Variants in SCG3 observed in about 807,000 individuals in gnomAD.
SCG3 encodes the protein secretogranin III, also known as secretogranin-3.
SCG3 carries 38 observed loss-of-function variants against 56.2 expected under a neutral mutation model. That is an observed-to-expected ratio of 0.68 (90% confidence interval 0.52 to 0.89). The LOEUF (loss-of-function observed/expected upper bound fraction) is 0.89. Ranked by LOEUF, SCG3 falls within the 40% of genes least tolerant of loss-of-function variation. SCG3 has a pLI of 0.00. For missense variants in SCG3, 524 were observed against 540.7 expected (o/e 0.97, Z 0.31); for synonymous variants, 176 against 184.2 (o/e 0.96, Z 0.36).
In SCG3 at chr15:51,719,557, T is replaced by G. The variant is rs769380292; in HGVS notation, c.*31T>G. 6.9e-7 allele frequency: 1 copy of G among 1,455,182 alleles called. No homozygotes were observed. The highest frequency in any genetic ancestry group is 2.3e-5 in the East Asian group (1 of 44,066). The allele number at this position is 1,455,182 out of a possible 1,614,324, so 90.1% of individuals were successfully genotyped here. On this transcript the variant is annotated 3_prime_UTR_variant, in exon 12 of 12. Transcript: ENST00000220478. ...GCAAAAGATCCAGGAGTCTTTCAAC[T>G]GTTTCAGAAAACATAATATAGCTTA...
At chr15:51,718,610 C>T (rs6493515) in intron 11 of SCG3, among the ~76,000 whole-genome samples, 75,943 of 151,850 alleles carry the variant, frequency 0.5, 19,230 homozygotes, top group Admixed American at 0.57. Flanking sequence ...CTGTTATTGC[C>T]TAATACTTAA....
intron 10 of SCG3, 123 bp downstream of exon 10, chr15:51,701,367 G>A: frequency 1.0e-6 from 1 of 978,924 alleles, no homozygotes; most frequent in South Asian, 1.9e-5. Flanking sequence ...AATCTGTATA[G>A]AACAGGCTTG....
intron 10 of SCG3, among the ~76,000 whole-genome samples, chr15:51,711,912 A>G (rs778487861): frequency 1.7e-4 from 26 of 152,308 alleles, no homozygotes; most frequent in Middle Eastern, 3.4e-3. Context: ...AGTGGGCTTC[A>G]AGATCAGGAA....
chr15:51,714,637 G>A (rs893913300), intron 11 of SCG3, among the ~76,000 whole-genome samples: 1 of 152,202 alleles, frequency 6.6e-6, no homozygotes, highest in African/African-American at 2.4e-5. Context: ...CACTAAATCA[G>A]AAATTCTGGG....
chr15:51,691,445 C>T (rs1269043511), intron 6 of SCG3, among the ~76,000 whole-genome samples: 1 of 152,096 alleles, frequency 6.6e-6, no homozygotes, highest in Non-Finnish European at 1.5e-5. Context: ...TTGCAGTTAG[C>T]AGGTGAGAAA....
At position 51,683,372 on chromosome 15, in the gene SCG3, A is replaced by G; in HGVS notation, c.335A>G (p.Lys112Arg). ...KLNVEDVDST[K>R]NRKLIDDYDS... ...AATGTGGAAGATGTTGATTCAACCA[A>G]GAATCGAAAACTGATCGATGATTAT... is the stretch of plus-strand genomic sequence containing the variant. The change falls in exon 4 of 12, where the codon AAG becomes AGG. Residue 112 changes from lysine (K) to arginine (R), a missense_variant. Coordinates refer to ENST00000220478, the MANE Select transcript of SCG3 (RefSeq NM_013243.4). 3.1e-6 allele frequency: 5 copies of G among 1,613,858 alleles called. No individual in the cohort carries two copies. The highest frequency in any genetic ancestry group is 4.2e-6 in the Non-Finnish European group (5 of 1,179,808).
rs2055250409 is a variant in SCG3 at position 51,689,243 on chromosome 15, C to G, written c.565C>G (p.Leu189Val). The G allele has an allele frequency of 6.2e-7, 1 of 1,613,714 alleles. No individual in the cohort carries two copies. The highest frequency in any genetic ancestry group is 8.5e-7 in the Non-Finnish European group (1 of 1,179,878). ...GATCACAGAAAGCCAAGCACATACACTGGAAGATGAAGTAGCAGAGGTTTT... is the reference window on the plus strand; with the variant it reads ...GATCACAGAAAGCCAAGCACATACAGTGGAAGATGAAGTAGCAGAGGTTTT... ...GLITESQAHTLEDEVAEVLQK... is the reference protein window; with the variant it reads ...GLITESQAHTVEDEVAEVLQK... The change falls in exon 6 of 12, where the codon CTG becomes GTG. Residue 189 changes from leucine (L) to valine (V), a missense_variant. Leu to Val is a conservative substitution (Grantham distance 32, BLOSUM62 1). Transcript: ENST00000220478.
chr15:51,715,381 T>C (rs80209514), intron 11 of SCG3, among the ~76,000 whole-genome samples: 7,788 of 152,184 alleles, frequency 0.051, 242 homozygotes, highest in African/African-American at 0.074. Flanking sequence ...CCTAGGGTCA[T>C]GCAGTGGCTG....
chr15:51,691,041 AG>A (rs998551212), intron 6 of SCG3, among the ~76,000 whole-genome samples: 1 of 152,232 alleles, frequency 6.6e-6, no homozygotes, highest in African/African-American at 2.4e-5. Context: ...ACCTCAAAAA[AG>A]GAGGCTGACC....
rs111963939 is a variant in SCG3 at position 51,719,107 on chromosome 15, A to C, written c.1289-301A>C. Among the ~76,000 whole-genome samples the C allele has an allele frequency of 8.5e-5, 13 of 152,312 alleles. 1 individual carries two copies. Among genetic ancestry groups the C allele is most frequent in the African/African-American group, 2.9e-4 (12 of 41,568 alleles). On this transcript the variant is annotated intron_variant, in intron 11 of 11. Transcript: ENST00000220478. ...CAATAGCCCCAGGTGTTTGGTATAA[A>C]CATTAAAATTTGCAAAGCCCTGGTC... is the stretch of plus-strand genomic sequence containing the variant.
chr15:51,696,969 T>G (rs1468838945), intron 8 of SCG3, among the ~76,000 whole-genome samples: 1 of 152,174 alleles, frequency 6.6e-6, no homozygotes, highest in Non-Finnish European at 1.5e-5. Flanking sequence ...AACCTCATTT[T>G]TTTTCTAAAT....
chr15:51,718,406 T>C (rs1200691129), intron 11 of SCG3, among the ~76,000 whole-genome samples: 2 of 152,148 alleles, frequency 1.3e-5, no homozygotes, highest in African/African-American at 2.4e-5. Flanking sequence ...CTCACTCACT[T>C]AGTGATTGTA....
intron 10 of SCG3, among the ~76,000 whole-genome samples, chr15:51,707,401 A>C (rs1215602226): frequency 4.6e-5 from 7 of 152,208 alleles, no homozygotes; most frequent in Non-Finnish European, 7.3e-5. Context: ...GCCTCCAGAG[A>C]TTCTGCTAGA....
intron 10 of SCG3, among the ~76,000 whole-genome samples, chr15:51,709,689 ATATATATATATATTTTTTTT>A (rs2055402104): frequency 1.4e-4 from 2 of 14,468 alleles, no homozygotes; most frequent in Non-Finnish European, 2.9e-4. Flanking sequence ...ATATATATAT[ATATATATATATATTTTTTTT>A]TTTTTTTTTT....
At chr15:51,717,070 T>G (rs1002843046) in intron 11 of SCG3, among the ~76,000 whole-genome samples, 2 of 150,202 alleles carry the variant, frequency 1.3e-5, no homozygotes, top group African/African-American at 4.9e-5. Flanking sequence ...CACAAAAAAT[T>G]TAAAAATTAG....
chr15:51,691,576 C>T (rs2055267126), intron 6 of SCG3, among the ~76,000 whole-genome samples: 1 of 152,012 alleles, frequency 6.6e-6, no homozygotes, highest in African/African-American at 2.4e-5. Context: ...GAAGAAGAGG[C>T]AAGAAAGGCT....
At chr15:51,699,439 A>G (rs368627201) in intron 9 of SCG3, 37 bp downstream of exon 9, 2 of 1,309,474 alleles carry the variant, frequency 1.5e-6, no homozygotes, top group African/African-American at 3.0e-5. Context: ...CCTTTAGAAT[A>G]ATAACCCTTT....
chr15:51,706,721 T>C (rs2055378703), intron 10 of SCG3, among the ~76,000 whole-genome samples: 1 of 152,096 alleles, frequency 6.6e-6, no homozygotes, highest in Non-Finnish European at 1.5e-5. Context: ...TATATTTATA[T>C]CATGCTTCAG....
At chr15:51,687,863 G>T (rs895780242) in intron 4 of SCG3, among the ~76,000 whole-genome samples, 5 of 152,090 alleles carry the variant, frequency 3.3e-5, no homozygotes, top group Non-Finnish European at 5.9e-5. Flanking sequence ...TCTATTCCCT[G>T]TATGGAACTG....
Sources: gnomAD v4.1 joint callset for allele counts (sites outside exome capture counted in the v4.1 genomes callset) on GRCh38, gnomAD v4.1.1 for gene constraint, MANE v1.5 for transcripts, NCBI Gene and HGNC (gene_info 2026-07-23, HGNC 2026-07-21) for gene names.